The following ENAH variants were observed in gnomAD, a reference collection of about 807,000 sequenced individuals.
ENAH encodes the protein protein enabled homolog.
A neutral mutation model predicts 78.7 loss-of-function variants in ENAH; 23 were observed. The ratio of observed to expected loss-of-function variants is 0.29; its 90% CI spans 0.21 to 0.41. The LOEUF is 0.41. ENAH is among the 10% of genes least tolerant of loss of function. The pLI, the probability that ENAH is intolerant of heterozygous loss-of-function variation, is 1.00. For synonymous variants in ENAH, 226 were observed against 241.0 expected, an observed-to-expected ratio of 0.94 and a Z score of 0.58; for missense variants, 544 against 691.0, an observed-to-expected ratio of 0.79 and a Z score of 2.39.
At chr1:225,610,417 A>G (rs949003915) in intron 1 of ENAH, among the ~76,000 whole-genome samples, 4 of 152,160 alleles carry the variant, frequency 2.6e-5, no homozygotes, top group Non-Finnish European at 4.4e-5. Flanking sequence ...GTTATAATAA[A>G]TTTGTGATTT....
At chr1:225,598,337 T>C (rs913243434) in intron 1 of ENAH, among the ~76,000 whole-genome samples, 2 of 147,920 alleles carry the variant, frequency 1.4e-5, no homozygotes, top group Non-Finnish European at 3.0e-5. Flanking sequence ...AAAGAAGGAA[T>C]GAAGGGAAAG....
intron 3 of ENAH, among the ~76,000 whole-genome samples, chr1:225,543,057 T>G (rs2096597285): frequency 1.3e-5 from 2 of 151,840 alleles, no homozygotes; most frequent in Admixed American, 1.3e-4. Flanking sequence ...ATTCTAAGAT[T>G]GATAGGAAGC....
At position 225,594,143 on chromosome 1, in the gene ENAH, A is replaced by G. The variant is rs541386586; in HGVS notation, c.6-26729T>C. Among the ~76,000 whole-genome samples, 1,014 of 152,336 alleles carry G rather than the reference A, an allele frequency of 6.7e-3. 14 individuals carry two copies. Among genetic ancestry groups the G allele is most frequent in the African/African-American group, 0.023 (955 of 41,576 alleles). On this transcript the variant is annotated intron_variant, in intron 1 of 13. Transcript: ENST00000366843. ...GAACCATTCACATTGCTTCTCTGGA[A>G]CACTGCTAGATTCAAAGTTTAAGGA...
chr1:225,652,614 T>G (rs1037723299), intron 1 of ENAH, 72 bp downstream of exon 1: 16 of 1,236,888 alleles, frequency 1.3e-5, no homozygotes, highest in Non-Finnish European at 1.6e-5. Context: ...GAAGGCGGGG[T>G]CCGAGGAGAA....
intron 5 of ENAH, among the ~76,000 whole-genome samples, chr1:225,518,395 A>G (rs1188313165): frequency 6.6e-6 from 1 of 152,178 alleles, no homozygotes; most frequent in Non-Finnish European, 1.5e-5. Flanking sequence ...AAAACTAGTA[A>G]AGCTGGCAAA....
Position 225,514,804 on chromosome 1 carries a change from G to T in ENAH, c.1010C>A (p.Pro337His), listed in dbSNP as rs758306418. The T allele has an allele frequency of 6.5e-7, 1 of 1,533,272 alleles. No homozygotes were observed. The allele number at this position is 1,533,272 out of a possible 1,614,324, so 95.0% of individuals were successfully genotyped here. Residue 337 changes from proline to histidine, a missense_variant, in exon 7 of 14, where the codon CCT becomes CAT. By Grantham distance (77) the Pro-to-His change is moderately conservative (BLOSUM62 -2). This residue lies in a region of ENAH where 366 missense variants were observed against 396.1 expected (regional missense o/e 0.92). Coordinates refer to ENST00000366843, the MANE Select transcript of ENAH (RefSeq NM_018212.6). ...GGTGGATGGGAGTGGAGGAGGTGGA[G>T]GGGGCCCTGGGGGAGGAGGGAGGGC... ...SVALPPPPGP[P>H]PPPPLPSTGP... is the part of the protein sequence containing the mutation.
chr1:225,517,936 C>T, intron 5 of ENAH: 1 of 1,549,340 alleles, frequency 6.5e-7, no homozygotes, highest in Non-Finnish European at 8.7e-7. Flanking sequence ...AGGAGGCTGG[C>T]AACTGGAATA....
chr1:225,522,766 G>A (rs902340154), intron 4 of ENAH, among the ~76,000 whole-genome samples: 17 of 152,006 alleles, frequency 1.1e-4, no homozygotes, highest in African/African-American at 3.9e-4. Flanking sequence ...AATCTGTTGG[G>A]CCCAAAGGGC....
At chr1:225,500,681 C>CA (rs945004024) in intron 12 of ENAH, among the ~76,000 whole-genome samples, 2 of 152,160 alleles carry the variant, frequency 1.3e-5, no homozygotes, top group Non-Finnish European at 2.9e-5. Flanking sequence ...TTTGCCAAGA[C>CA]AGTCACTGAA....
At chr1:225,636,498 A>C (rs905814046) in intron 1 of ENAH, among the ~76,000 whole-genome samples, 2 of 151,654 alleles carry the variant, frequency 1.3e-5, no homozygotes. Flanking sequence ...GTACAATATA[A>C]AATTGTTTAA....
At chr1:225,621,496 T>C (rs1477563984) in intron 1 of ENAH, among the ~76,000 whole-genome samples, 2 of 151,490 alleles carry the variant, frequency 1.3e-5, no homozygotes, top group African/African-American at 4.9e-5. Context: ...GTTTCACCGT[T>C]TTAGCCGGGA....
At chr1:225,616,449 AAT>A (rs911530663) in intron 1 of ENAH, among the ~76,000 whole-genome samples, 3 of 152,214 alleles carry the variant, frequency 2.0e-5, no homozygotes, top group Admixed American at 6.5e-5. Flanking sequence ...AAATTTAATG[AAT>A]GAGTTTATTC....
chr1:225,555,108 AG>A (rs761738448), intron 2 of ENAH, 25 bp from the exon 3 acceptor site: 1 of 1,493,360 alleles, frequency 6.7e-7, no homozygotes, highest in South Asian at 1.4e-5. Flanking sequence ...TTCTTTATAA[AG>A]TCAAACCAAT....
At chr1:225,555,906 C>T (rs2096664169) in intron 2 of ENAH, among the ~76,000 whole-genome samples, 1 of 152,118 alleles carries the variant, frequency 6.6e-6, no homozygotes, top group Non-Finnish European at 1.5e-5. Context: ...AAGTATCTTT[C>T]ATTAGATTTA....
At chr1:225,647,859 T>TTGCC (rs1662251378) in intron 1 of ENAH, among the ~76,000 whole-genome samples, 1 of 152,192 alleles carries the variant, frequency 6.6e-6, no homozygotes, top group Non-Finnish European at 1.5e-5. Context: ...AAAATGCTAG[T>TTGCC]ATTTTGCTAG....
intron 3 of ENAH, among the ~76,000 whole-genome samples, chr1:225,542,836 T>A (rs1353996587): frequency 6.6e-6 from 1 of 151,896 alleles, no homozygotes; most frequent in African/African-American, 2.4e-5. Context: ...AGCAATGTAG[T>A]AGCAAGGCCT....
chr1:225,517,486 G>C (rs1181425400), intron 5 of ENAH, 180 bp from the exon 6 acceptor site: 8 of 1,551,598 alleles, frequency 5.2e-6, no homozygotes, highest in Non-Finnish European at 6.1e-6. Context: ...ATATGTTACA[G>C]AGTCAACCAG....
chr1:225,563,769 C>G (rs999788387), intron 2 of ENAH, among the ~76,000 whole-genome samples: 1 of 152,100 alleles, frequency 6.6e-6, no homozygotes, highest in Admixed American at 6.5e-5. Context: ...TTTTGGATAT[C>G]AAAATTATAC....
Position 225,555,031 on chromosome 1 carries a change from T to A in ENAH, c.224A>T (p.Gln75Leu). The A allele has an allele frequency of 6.2e-7, 1 of 1,600,080 alleles. No individual in the cohort carries two copies. Among genetic ancestry groups the A allele is most frequent in the African/African-American group, 1.3e-5 (1 of 74,920 alleles). ...AGCATCTCGCCACTGGTGGAAGGTC[T>A]GTGTAGCTTGATTGTACTTCAACCC... The part of the protein sequence containing the change: ...PKGLKYNQAT[Q>L]TFHQWRDARQ... The change falls in exon 3 of 14, where the codon CAG becomes CTG. Residue 75 changes from glutamine (Q) to leucine (L), a missense_variant. Gln to Leu is a moderately radical substitution (Grantham distance 113). Around this residue, in one of 4 missense-constraint regions of ENAH, gnomAD observed 77 missense variants for 151.8 expected, o/e 0.51. Transcript: ENST00000366843.
Sources: allele counts gnomAD v4.1 joint callset (sites outside exome capture counted in the v4.1 genomes callset), GRCh38; gene constraint gnomAD v4.1.1; regional missense constraint gnomAD v4.1.1; transcripts MANE v1.5; gene names NCBI Gene and HGNC (gene_info 2026-07-23, HGNC 2026-07-21).